The following UBE3D variants were observed in gnomAD, a reference collection of about 807,000 sequenced individuals.
The protein encoded by UBE3D is E3 ubiquitin-protein ligase E3D.
UBE3D carries 48 observed loss-of-function variants against 49.6 expected under a neutral mutation model. That is an observed-to-expected ratio of 0.97 (90% CI 0.77 to 1.23). UBE3D has a LOEUF of 1.23. Ranked by LOEUF, UBE3D falls within the 50% of genes most tolerant of loss-of-function variation. UBE3D has a pLI of 0.00. For missense variants in UBE3D, 452 were observed against 468.4 expected, an observed-to-expected ratio of 0.96 and a Z score of 0.32; for synonymous variants, 189 against 174.2, an observed-to-expected ratio of 1.08 and a Z score of -0.67.
At chr6:82,960,120 T>C (rs1776447554) in intron 8 of UBE3D, among the ~76,000 whole-genome samples, 1 of 152,174 alleles carries the variant, frequency 6.6e-6, no homozygotes, top group Non-Finnish European at 1.5e-5. Context: ...CTCCAAAGTT[T>C]TCACCTCTAA....
chr6:82,911,797 A>T (rs1772548144), intron 9 of UBE3D, among the ~76,000 whole-genome samples: 1 of 152,126 alleles, frequency 6.6e-6, no homozygotes, highest in African/African-American at 2.4e-5. Context: ...TACACTGATA[A>T]TTTTATAATC....
At chr6:82,925,667 C>T (rs1360817885) in intron 9 of UBE3D, among the ~76,000 whole-genome samples, 2 of 152,116 alleles carry the variant, frequency 1.3e-5, no homozygotes, top group African/African-American at 4.8e-5. Flanking sequence ...TTCTTGGCTG[C>T]ATGCTTAACT....
chr6:82,919,429 C>A (rs1773160647), intron 9 of UBE3D, among the ~76,000 whole-genome samples: 1 of 151,426 alleles, frequency 6.6e-6, no homozygotes, highest in South Asian at 2.1e-4. Context: ...CGGTGAAACC[C>A]TGTCTGCACT....
chr6:82,955,533 T>C (rs1296056120), intron 9 of UBE3D, among the ~76,000 whole-genome samples: 1 of 152,192 alleles, frequency 6.6e-6, no homozygotes, highest in Non-Finnish European at 1.5e-5. Flanking sequence ...TGAACATTTG[T>C]GGGCATATAC....
chr6:82,893,019 T>A lies in UBE3D; in HGVS notation c.*3A>T, dbSNP rs1488560106. ...GGGGGAGGAGAATGCCCAGCTCTAA[T>A]AGTTACATCTTCAAAAAGGCCACCT... On this transcript the variant is annotated 3_prime_UTR_variant, in exon 10 of 10. Coordinates refer to ENST00000369747, the MANE Select transcript of UBE3D (RefSeq NM_198920.3). 1.9e-6 allele frequency: 3 copies of A among 1,613,638 alleles called. No homozygotes were observed. In the South Asian group the frequency reaches 3.3e-5, roughly 18 times the overall value.
intron 9 of UBE3D, among the ~76,000 whole-genome samples, chr6:82,904,780 T>G (rs1771981602): frequency 6.6e-6 from 1 of 152,220 alleles, no homozygotes; most frequent in South Asian, 2.1e-4. Flanking sequence ...TAAGGCTTTT[T>G]TTCCTATGTT....
At chr6:82,985,437 A>T (rs984858853) in intron 8 of UBE3D, among the ~76,000 whole-genome samples, 1 of 152,014 alleles carries the variant, frequency 6.6e-6, no homozygotes, top group Non-Finnish European at 1.5e-5. Context: ...ATCTCGGCTC[A>T]CTACAACCTC....
intron 8 of UBE3D, among the ~76,000 whole-genome samples, chr6:82,966,267 T>C (rs1194390070): frequency 1.3e-5 from 2 of 151,312 alleles, no homozygotes; most frequent in East Asian, 3.9e-4. Context: ...GAATGGGGAG[T>C]GATTGCTAGT....
chr6:82,974,632 A>T (rs1412941466), intron 8 of UBE3D, among the ~76,000 whole-genome samples: 1 of 152,142 alleles, frequency 6.6e-6, no homozygotes, highest in African/African-American at 2.4e-5. Flanking sequence ...TGGATACAGA[A>T]GGCTGACTGT....
chr6:82,897,602 T>C (rs1360054115), intron 9 of UBE3D, among the ~76,000 whole-genome samples: 1 of 151,980 alleles, frequency 6.6e-6, no homozygotes, highest in Non-Finnish European at 1.5e-5. Context: ...CAAAAATAAA[T>C]AAACTAATTA....
At position 82,894,319 on chromosome 6, in the gene UBE3D, G is replaced by A. The variant is rs547095085; in HGVS notation, c.1150-1277C>T. ...CCTGCCAGGCAAAGGCCCAACTGAAGGAACATTGCTATCATATCTTGCTGG... is the reference window on the plus strand; with the variant it reads ...CCTGCCAGGCAAAGGCCCAACTGAAAGAACATTGCTATCATATCTTGCTGG... On this transcript the variant is annotated intron_variant, in intron 9 of 9. Coordinates refer to ENST00000369747, the MANE Select transcript of UBE3D (RefSeq NM_198920.3). 4.6e-5 allele frequency among the ~76,000 whole-genome samples: 7 copies of A among 152,116 alleles called. No homozygotes were observed. In the South Asian group the frequency reaches 1.5e-3, roughly 32 times the overall value.
At chr6:82,950,004 T>C (rs899653274) in intron 9 of UBE3D, among the ~76,000 whole-genome samples, 7 of 152,104 alleles carry the variant, frequency 4.6e-5, no homozygotes, top group Admixed American at 1.3e-4. Flanking sequence ...TAAAGTAAAA[T>C]GGGACAAATG....
At chr6:82,964,238 G>A (rs1028919962) in intron 8 of UBE3D, among the ~76,000 whole-genome samples, 3 of 152,232 alleles carry the variant, frequency 2.0e-5, no homozygotes, top group Middle Eastern at 3.4e-3. Context: ...TAACATAAAT[G>A]GTGAAATTGA....
At chr6:83,020,808 T>C (rs1781039698) in intron 7 of UBE3D, among the ~76,000 whole-genome samples, 2 of 152,214 alleles carry the variant, frequency 1.3e-5, no homozygotes, top group South Asian at 4.1e-4. Context: ...CTCCTTTTTG[T>C]TACTATGTTT....
intron 2 of UBE3D, 142 bp from the exon 3 acceptor site, chr6:83,054,380 C>G: frequency 1.6e-6 from 1 of 629,302 alleles, no homozygotes; most frequent in Non-Finnish European, 2.8e-6. Flanking sequence ...TTAATACTAT[C>G]TGATGACTCA....
At position 82,934,250 on chromosome 6, in the gene UBE3D, G is replaced by A. The variant is rs140776465; in HGVS notation, c.1149+23062C>T. 1.8e-3 allele frequency among the ~76,000 whole-genome samples: 269 copies of A among 152,284 alleles called. 2 individuals are homozygous for A. The highest frequency in any genetic ancestry group is 5.4e-3 in the African/African-American group (226 of 41,558). On this transcript the variant is annotated intron_variant, in intron 9 of 9. Transcript: ENST00000369747. The stretch of plus-strand genomic sequence containing the variant: ...TTTCCTGAGACCTCCCCAGCCACGT[G>A]GAACTGTAAGTCAATTAAACCTCTT...
intron 5 of UBE3D, among the ~76,000 whole-genome samples, chr6:83,033,736 C>A (rs375710815): frequency 9.9e-5 from 15 of 152,162 alleles, no homozygotes; most frequent in Non-Finnish European, 1.9e-4. Context: ...CAGTACCATA[C>A]GCCAATTAAA....
At chr6:83,051,211 G>A (rs1484200415) in intron 3 of UBE3D, among the ~76,000 whole-genome samples, 2 of 152,174 alleles carry the variant, frequency 1.3e-5, no homozygotes, top group Non-Finnish European at 2.9e-5. Context: ...AAGAACCTGA[G>A]GTAGTACAAA....
At chr6:82,926,683 T>C (rs1028436734) in intron 9 of UBE3D, among the ~76,000 whole-genome samples, 4 of 152,092 alleles carry the variant, frequency 2.6e-5, no homozygotes, top group Non-Finnish European at 5.9e-5. Flanking sequence ...CCTGATGACA[T>C]GTGATGTGTA....
Sources: gnomAD v4.1 joint callset for allele counts (sites outside exome capture counted in the v4.1 genomes callset) on GRCh38, gnomAD v4.1.1 for gene constraint, MANE v1.5 for transcripts, NCBI Gene and HGNC (gene_info 2026-07-23, HGNC 2026-07-21) for gene names.